BZW2: variants seen among roughly 807,000 people sequenced by gnomAD.
BZW2 encodes basic leucine zipper and W2 domains 2.
BZW2 carries 23 observed loss-of-function variants against 53.2 expected under a neutral mutation model. That is an observed-to-expected ratio of 0.43 (90% CI 0.31 to 0.61). The LOEUF (loss-of-function observed/expected upper bound fraction) is 0.61, where lower values mean the gene tolerates loss of function less well. Among genes scored for constraint, BZW2 ranks in the 20% least tolerant of loss-of-function variants. The probability of loss-of-function intolerance (pLI) is 0.09; values close to 1 mark genes in which losing one functional copy is unlikely to be tolerated. For missense variants in BZW2, 409 were observed against 503.1 expected, an observed-to-expected ratio of 0.81 and a Z score of 1.79; for synonymous variants, 227 against 186.4, an observed-to-expected ratio of 1.22 and a Z score of -1.77.
At chr7:16,689,213 G>A (rs918382062) in intron 6 of BZW2, among the ~76,000 whole-genome samples, 3 of 152,016 alleles carry the variant, frequency 2.0e-5, no homozygotes, top group Admixed American at 6.6e-5. Context: ...GCGACAGAGT[G>A]AGACTCCATC....
intron 1 of BZW2, among the ~76,000 whole-genome samples, chr7:16,649,533 C>T (rs377020790): frequency 2.0e-5 from 3 of 152,158 alleles, no homozygotes; most frequent in Non-Finnish European, 1.5e-5. Flanking sequence ...TAGATTTCCC[C>T]ATTAAAGACC....
chr7:16,673,191 C>T (rs1327606608), intron 2 of BZW2, among the ~76,000 whole-genome samples: 2 of 152,136 alleles, frequency 1.3e-5, no homozygotes, highest in Non-Finnish European at 2.9e-5. Context: ...CGTGATCCGC[C>T]CGCCTCGGCC....
chr7:16,675,398 C>T (rs1782734399), intron 3 of BZW2, among the ~76,000 whole-genome samples: 1 of 152,202 alleles, frequency 6.6e-6, no homozygotes, highest in Non-Finnish European at 1.5e-5. Flanking sequence ...GAACATGCAA[C>T]ATAATGAAAG....
intron 3 of BZW2, among the ~76,000 whole-genome samples, chr7:16,680,466 G>A (rs1782909397): frequency 6.6e-6 from 1 of 152,152 alleles, no homozygotes; most frequent in Admixed American, 6.5e-5. Flanking sequence ...GTACACTATG[G>A]TGGGAGTATG....
chr7:16,695,126 T>A (rs1562495985), intron 8 of BZW2, 122 bp downstream of exon 8: 4 of 889,188 alleles, frequency 4.5e-6, no homozygotes, highest in Non-Finnish European at 6.1e-6. Flanking sequence ...CTTTGTCCAC[T>A]TATTCCTACC....
At chr7:16,696,786 C>T (rs1783505414) in intron 8 of BZW2, 129 bp from the exon 9 acceptor site, 1 of 904,064 alleles carries the variant, frequency 1.1e-6, no homozygotes, top group Admixed American at 2.3e-5. Flanking sequence ...AGAATGCAGA[C>T]AAGGAAAGGA....
At chr7:16,676,380 C>T (rs1194779626) in intron 3 of BZW2, among the ~76,000 whole-genome samples, 1 of 152,082 alleles carries the variant, frequency 6.6e-6, no homozygotes, top group Non-Finnish European at 1.5e-5. Flanking sequence ...GAAACCCTGT[C>T]TCTACTAAAA....
At position 16,681,379 on chromosome 7, in the gene BZW2, A is replaced by C; in HGVS notation, c.314A>C (p.His105Pro). 6.2e-7 allele frequency: 1 copy of C among 1,614,064 alleles called. No homozygotes were observed. Among genetic ancestry groups the C allele is most frequent in the Non-Finnish European group, 8.5e-7 (1 of 1,179,934 alleles). The part of the protein sequence containing the change: ...NHCVFSANED[H>P]ETIRNYAQVF... ...TGTGTGTTTTCAGCAAATGAAGATC[A>C]TGAAACCATCCGAAACTATGCTCAG... Residue 105 changes from histidine to proline, a missense_variant, in exon 4 of 12, where the codon CAT becomes CCT. This residue lies in a region of BZW2 where 316 missense variants were observed against 366.8 expected (regional missense o/e 0.86). Transcript: ENST00000258761.
At chr7:16,656,555 G>GCACACACACACACA (rs376412401) in intron 1 of BZW2, among the ~76,000 whole-genome samples, 135 of 141,302 alleles carry the variant, frequency 9.6e-4, no homozygotes, top group African/African-American at 3.4e-3. Flanking sequence ...GCGCGCGCGC[G>GCACACACACACACA]CACACACACA....
intron 2 of BZW2, among the ~76,000 whole-genome samples, chr7:16,672,263 G>T (rs1472310163): frequency 6.6e-6 from 1 of 151,950 alleles, no homozygotes; most frequent in African/African-American, 2.4e-5. Flanking sequence ...CCTTTCCTTT[G>T]TTTTCTCATT....
At chr7:16,693,777 C>T (rs1018401721) in intron 7 of BZW2, among the ~76,000 whole-genome samples, 7 of 152,148 alleles carry the variant, frequency 4.6e-5, no homozygotes, top group African/African-American at 9.7e-5. Flanking sequence ...ATTATGAATG[C>T]GTGTTTGATA....
At chr7:16,663,554 GA>G (rs1782330772) in intron 1 of BZW2, among the ~76,000 whole-genome samples, 1 of 151,918 alleles carries the variant, frequency 6.6e-6, no homozygotes, top group African/African-American at 2.4e-5. Context: ...TTATGTGTAA[GA>G]AGGAAAATTT....
chr7:16,662,143 A>G (rs1782284920), intron 1 of BZW2: 1 of 152,120 alleles, frequency 6.6e-6, no homozygotes, highest in Non-Finnish European at 1.5e-5. Flanking sequence ...ATAGTGTAGC[A>G]TGAAGAGCTA....
At chr7:16,697,304 TG>T (rs1419296482) in intron 9 of BZW2, among the ~76,000 whole-genome samples, 1 of 152,158 alleles carries the variant, frequency 6.6e-6, no homozygotes, top group Non-Finnish European at 1.5e-5. Flanking sequence ...TTGCCCAGGC[TG>T]GTCTTGAACT....
At chr7:16,649,412 G>A (rs189937044) in intron 1 of BZW2, among the ~76,000 whole-genome samples, 3 of 152,274 alleles carry the variant, frequency 2.0e-5, no homozygotes, top group African/African-American at 4.8e-5. Context: ...ATAACCAGAG[G>A]CAGAAAGTCT....
intron 10 of BZW2, among the ~76,000 whole-genome samples, chr7:16,702,887 T>C (rs893163551): frequency 4.6e-5 from 7 of 152,206 alleles, no homozygotes; most frequent in African/African-American, 1.7e-4. Context: ...ATATGTTGGG[T>C]GTATATGCTC....
chr7:16,702,724 A>G (rs1783707952), intron 10 of BZW2, among the ~76,000 whole-genome samples: 1 of 152,162 alleles, frequency 6.6e-6, no homozygotes, highest in South Asian at 2.1e-4. Context: ...TCCAACCTGT[A>G]CTTTGTATCA....
intron 2 of BZW2, among the ~76,000 whole-genome samples, chr7:16,673,473 C>A (rs903688183): frequency 1.3e-5 from 2 of 152,046 alleles, no homozygotes; most frequent in African/African-American, 4.8e-5. Flanking sequence ...TGCCATTAAG[C>A]CAGGCATTAA....
intron 11 of BZW2, 23 bp from the exon 12 acceptor site, chr7:16,706,037 C>G (rs776296556): frequency 6.2e-7 from 1 of 1,613,398 alleles, no homozygotes; most frequent in South Asian, 1.1e-5. Context: ...GAGGAAATAT[C>G]TCACTTCTTT....
Sources: gnomAD v4.1 joint callset for allele counts (sites outside exome capture counted in the v4.1 genomes callset) on GRCh38, gnomAD v4.1.1 for gene constraint, gnomAD v4.1.1 regional missense constraint, MANE v1.5 for transcripts, NCBI Gene and HGNC (gene_info 2026-07-23, HGNC 2026-07-21) for gene names.